UBE2E2: variants seen among roughly 807,000 people sequenced by gnomAD.
UBE2E2 encodes ubiquitin-conjugating enzyme E2 E2.
A neutral mutation model predicts 24.7 loss-of-function variants in UBE2E2; 6 were observed. That is an observed-to-expected ratio of 0.24 (90% CI 0.13 to 0.48). UBE2E2 has a LOEUF of 0.48. UBE2E2 is among the 20% of genes least tolerant of loss of function. The pLI is 0.99. For missense variants in UBE2E2, 169 were observed against 245.0 expected (o/e 0.69, Z 2.07); for synonymous variants, 104 against 83.6 (o/e 1.24, Z -1.33).
intron 3 of UBE2E2, among the ~76,000 whole-genome samples, chr3:23,244,944 A>G (rs757287705): frequency 6.6e-6 from 1 of 152,178 alleles, no homozygotes; most frequent in Non-Finnish European, 1.5e-5. Flanking sequence ...AAAAATTTGC[A>G]GTCGGGTTAA....
chr3:23,430,103 A>C (rs1698022719), intron 3 of UBE2E2, among the ~76,000 whole-genome samples: 1 of 152,180 alleles, frequency 6.6e-6, no homozygotes. Flanking sequence ...TGGAAAGGTT[A>C]GGTTTTGAGA....
intron 3 of UBE2E2, among the ~76,000 whole-genome samples, chr3:23,498,191 A>C (rs1699646432): frequency 6.6e-6 from 1 of 152,056 alleles, no homozygotes; most frequent in African/African-American, 2.4e-5. Flanking sequence ...ATATGATCCA[A>C]ATATCTTTTC....
intron 4 of UBE2E2, among the ~76,000 whole-genome samples, chr3:23,501,760 AGT>A (rs1409382049): frequency 6.6e-6 from 1 of 152,192 alleles, no homozygotes; most frequent in Non-Finnish European, 1.5e-5. Context: ...ACAGTGGGAC[AGT>A]CAACTTGTGT....
chr3:23,225,841 C>T (rs1250649588), intron 3 of UBE2E2, among the ~76,000 whole-genome samples: 2 of 151,860 alleles, frequency 1.3e-5, no homozygotes, highest in African/African-American at 4.8e-5. Context: ...TGTCATTTTA[C>T]TACTCATGGG....
intron 3 of UBE2E2, among the ~76,000 whole-genome samples, chr3:23,241,292 G>C (rs1409625102): frequency 6.6e-6 from 1 of 152,092 alleles, no homozygotes; most frequent in Non-Finnish European, 1.5e-5. Flanking sequence ...TTCATATCTT[G>C]CTTGAGTTAT....
intron 5 of UBE2E2, among the ~76,000 whole-genome samples, chr3:23,573,354 A>C (rs79416710): frequency 0.014 from 2,184 of 152,322 alleles, 56 homozygotes; most frequent in African/African-American, 0.05. Flanking sequence ...AGAAAGATGG[A>C]CTGCTTTGAA....
chr3:23,343,509 G>C (rs1318734830), intron 3 of UBE2E2, among the ~76,000 whole-genome samples: 2 of 151,662 alleles, frequency 1.3e-5, no homozygotes, highest in East Asian at 3.9e-4. Flanking sequence ...CTGGGGAACA[G>C]AGGTTGCAGT....
chr3:23,305,502 G>A (rs1441060291), intron 3 of UBE2E2, among the ~76,000 whole-genome samples: 1 of 152,170 alleles, frequency 6.6e-6, no homozygotes, highest in East Asian at 1.9e-4. Flanking sequence ...TTTACCTGCT[G>A]TTGTTTTTGC....
At chr3:23,354,997 A>G (rs1042748520) in intron 3 of UBE2E2, among the ~76,000 whole-genome samples, 43 of 152,124 alleles carry the variant, frequency 2.8e-4, no homozygotes, top group Admixed American at 7.9e-4. Flanking sequence ...CAACAACGAT[A>G]GACTGGATTA....
intron 3 of UBE2E2, among the ~76,000 whole-genome samples, chr3:23,382,455 T>G (rs1266037521): frequency 6.6e-6 from 1 of 152,210 alleles, no homozygotes; most frequent in East Asian, 1.9e-4. Context: ...GTGCTAGGAT[T>G]ATGGGGATAA....
intron 4 of UBE2E2, among the ~76,000 whole-genome samples, chr3:23,526,394 G>A (rs1009340625): frequency 5.3e-5 from 8 of 152,006 alleles, no homozygotes; most frequent in Non-Finnish European, 7.4e-5. Context: ...GTTCTAAAAC[G>A]CTCTTTTACC....
rs9883963 is a variant in UBE2E2 at position 23,308,004 on chromosome 3, A to C, written c.227+90692A>C. 4.2e-3 allele frequency among the ~76,000 whole-genome samples: 640 copies of C among 152,284 alleles called. 5 individuals are homozygous for C. The highest frequency in any genetic ancestry group is 0.014 in the African/African-American group (587 of 41,566). ...ACCAAGTGGCACCTTCTAGGGAAAC[A>C]GGTTTCAAGAATTGTATCCTTAAGT... On this transcript the variant is annotated intron_variant, in intron 3 of 5. Transcript: ENST00000396703.
intron 4 of UBE2E2, among the ~76,000 whole-genome samples, chr3:23,519,249 G>GT (rs528694698): frequency 0.17 from 24,512 of 146,700 alleles, 2,069 homozygotes; most frequent in Middle Eastern, 0.24. Context: ...CTTTACCAAG[G>GT]TTTTTTTTTT....
intron 3 of UBE2E2, among the ~76,000 whole-genome samples, chr3:23,376,241 G>A (rs982748883): frequency 6.6e-6 from 1 of 152,124 alleles, no homozygotes; most frequent in African/African-American, 2.4e-5. Context: ...GATAGATTGT[G>A]TTGCTTTTGA....
intron 5 of UBE2E2, among the ~76,000 whole-genome samples, chr3:23,572,331 C>CA (rs1696247990): frequency 6.6e-6 from 1 of 152,128 alleles, no homozygotes; most frequent in Non-Finnish European, 1.5e-5. Flanking sequence ...ATTTTAGACT[C>CA]AGAGGAATTC....
At chr3:23,247,382 G>A (rs1010874575) in intron 3 of UBE2E2, among the ~76,000 whole-genome samples, 6 of 148,278 alleles carry the variant, frequency 4.0e-5, no homozygotes, top group Non-Finnish European at 8.9e-5. Flanking sequence ...TTGAGACGGA[G>A]TCTCGCTCTG....
intron 5 of UBE2E2, among the ~76,000 whole-genome samples, chr3:23,562,650 G>C (rs946455808): frequency 6.6e-6 from 1 of 152,174 alleles, no homozygotes; most frequent in Non-Finnish European, 1.5e-5. Flanking sequence ...AATGGTATCA[G>C]CTCCTCCTTG....
At chr3:23,262,562 G>A (rs957441940) in intron 3 of UBE2E2, among the ~76,000 whole-genome samples, 2 of 152,018 alleles carry the variant, frequency 1.3e-5, no homozygotes, top group Admixed American at 1.3e-4. Context: ...TTGCAGGCAT[G>A]AGCCACCATG....
At chr3:23,528,885 T>G (rs1695059544) in intron 4 of UBE2E2, among the ~76,000 whole-genome samples, 1 of 152,152 alleles carries the variant, frequency 6.6e-6, no homozygotes, top group Non-Finnish European at 1.5e-5. Flanking sequence ...ACTCCTTTTC[T>G]CAGGGCAGCC....
Sources: allele counts gnomAD v4.1 joint callset (sites outside exome capture counted in the v4.1 genomes callset), GRCh38; gene constraint gnomAD v4.1.1; transcripts MANE v1.5; gene names NCBI Gene and HGNC (gene_info 2026-07-23, HGNC 2026-07-21).